Variants in FGF14 observed in about 807,000 individuals in gnomAD.
FGF14 encodes the protein fibroblast growth factor homologous factor 4.
A neutral mutation model predicts 25.5 loss-of-function variants in FGF14; 5 were observed. The ratio of observed to expected loss-of-function variants is 0.20; its 90% CI spans 0.10 to 0.41. The LOEUF is 0.41. FGF14 is among the 10% of genes least tolerant of loss of function. FGF14 has a pLI of 1.00. For synonymous variants in FGF14, 138 were observed against 118.3 expected, an observed-to-expected ratio of 1.17 and a Z score of -1.08; for missense variants, 222 against 320.1, an observed-to-expected ratio of 0.69 and a Z score of 2.34.
intron 1 of FGF14, among the ~76,000 whole-genome samples, chr13:101,955,882 G>T (rs2036482091): frequency 6.6e-6 from 1 of 152,186 alleles, no homozygotes; most frequent in Non-Finnish European, 1.5e-5. Context: ...TTTTTTAAAA[G>T]ATAAATCTCA....
intron 1 of FGF14, among the ~76,000 whole-genome samples, chr13:102,275,478 A>G (rs1311052096): frequency 6.6e-6 from 1 of 152,172 alleles, no homozygotes; most frequent in Non-Finnish European, 1.5e-5. Context: ...TACATCAAAC[A>G]TAACATTTGA....
intron 3 of FGF14, among the ~76,000 whole-genome samples, chr13:101,862,087 C>G (rs1480920169): frequency 2.0e-5 from 3 of 152,074 alleles, no homozygotes; most frequent in East Asian, 1.9e-4. Context: ...TGGTAGGAAA[C>G]TGGGCTGAGC....
chr13:102,221,629 C>CAT (rs1257403641), intron 1 of FGF14, among the ~76,000 whole-genome samples: 2 of 151,240 alleles, frequency 1.3e-5, no homozygotes, highest in Non-Finnish European at 2.9e-5. Flanking sequence ...CACAAACACA[C>CAT]ACACACACAC....
intron 1 of FGF14, among the ~76,000 whole-genome samples, chr13:102,397,435 T>C (rs544379372): frequency 1.3e-5 from 2 of 152,286 alleles, no homozygotes; most frequent in East Asian, 3.9e-4. Flanking sequence ...AGAGAATTGA[T>C]GGAATGTTCT....
chr13:102,304,099 T>C (rs1346620654), intron 1 of FGF14, among the ~76,000 whole-genome samples: 1 of 152,082 alleles, frequency 6.6e-6, no homozygotes, highest in Non-Finnish European at 1.5e-5. Context: ...CAAATCATCA[T>C]CATCATCATC....
intron 1 of FGF14, among the ~76,000 whole-genome samples, chr13:102,193,195 A>T (rs1437882576): frequency 6.6e-6 from 1 of 152,128 alleles, no homozygotes; most frequent in African/African-American, 2.4e-5. Context: ...TGAGACAAGC[A>T]TGCCAGCAGC....
intron 3 of FGF14, among the ~76,000 whole-genome samples, chr13:101,804,208 G>A (rs948757512): frequency 1.3e-5 from 2 of 152,102 alleles, no homozygotes; most frequent in Non-Finnish European, 2.9e-5. Flanking sequence ...TAGTGAGAAC[G>A]GTTTCAATAC....
intron 1 of FGF14, among the ~76,000 whole-genome samples, chr13:102,387,876 C>T (rs1182319899): frequency 6.6e-6 from 1 of 152,122 alleles, no homozygotes; most frequent in Non-Finnish European, 1.5e-5. Context: ...ACTACAGGCG[C>T]ATACTACCAC....
At chr13:102,048,960 A>G (rs112461502) in intron 1 of FGF14, among the ~76,000 whole-genome samples, 6,038 of 152,190 alleles carry the variant, frequency 0.04, 385 homozygotes, top group African/African-American at 0.14. Context: ...CAGTCTTTTG[A>G]TATTGCTGTA....
At chr13:102,186,904 C>G (rs2048899446) in intron 1 of FGF14, among the ~76,000 whole-genome samples, 1 of 152,140 alleles carries the variant, frequency 6.6e-6, no homozygotes, top group South Asian at 2.1e-4. Flanking sequence ...CATACAGGCT[C>G]ACACATAAGT....
intron 1 of FGF14, among the ~76,000 whole-genome samples, chr13:102,227,103 T>A (rs1347596898): frequency 1.3e-5 from 2 of 152,162 alleles, no homozygotes. Context: ...AGTTTAATAT[T>A]TAATGGATTC....
At chr13:101,850,924 G>T (rs1344385949) in intron 3 of FGF14, among the ~76,000 whole-genome samples, 1 of 151,778 alleles carries the variant, frequency 6.6e-6, no homozygotes, top group African/African-American at 2.4e-5. Context: ...TGCAGAAGGT[G>T]TTACATATCA....
In FGF14 at chr13:101,713,749, G is replaced by GT; in HGVS notation, c.*9081dup. On this transcript the variant is annotated 3_prime_UTR_variant, in exon 5 of 5. Transcript: ENST00000376143. The stretch of plus-strand genomic sequence containing the variant: ...GATATTTTAAATAACCAAAGAGGAA[G>GT]TTTTTTAGTTAGGTAGGAGAAATGG... 6.6e-6 allele frequency: 1 copy of GT among 152,218 alleles called. No individual in the cohort carries two copies. The highest frequency in any genetic ancestry group is 2.1e-4 in the South Asian group (1 of 4,826). 9.4% of individuals were successfully genotyped at this position (152,218 alleles called of 1,614,324 possible).
chr13:101,772,034 A>C (rs553225362), intron 3 of FGF14, among the ~76,000 whole-genome samples: 9 of 152,218 alleles, frequency 5.9e-5, no homozygotes, highest in African/African-American at 1.9e-4. Flanking sequence ...CATTCACAGG[A>C]AAGAAAAGGC....
Position 102,235,617 on chromosome 13 carries a change from A to G in FGF14, c.208+165854T>C, listed in dbSNP as rs1272683370. Among the ~76,000 whole-genome samples, 3 of 152,234 alleles carry G rather than the reference A, an allele frequency of 2.0e-5. No individual in the cohort carries two copies. In the South Asian group the frequency reaches 6.2e-4, roughly 31 times the overall value. ...GGTCAAAAAGGATCAGGATCAGGGA[A>G]GAAAATTTGTTTATTTTTTAATCCC... On this transcript the variant is annotated intron_variant, in intron 1 of 4. Transcript: ENST00000376131.
At chr13:101,756,979 CA>C (rs1422550071) in intron 3 of FGF14, among the ~76,000 whole-genome samples, 2 of 151,966 alleles carry the variant, frequency 1.3e-5, no homozygotes, top group African/African-American at 2.4e-5. Flanking sequence ...TTAAGTACTA[CA>C]AAAAAATATT....
At chr13:102,347,421 C>T (rs1385348889) in intron 1 of FGF14, among the ~76,000 whole-genome samples, 1 of 151,970 alleles carries the variant, frequency 6.6e-6, no homozygotes, top group East Asian at 1.9e-4. Context: ...CACAGAAGAC[C>T]CCCCTGAGAT....
At chr13:101,847,361 T>C (rs2043518096) in intron 3 of FGF14, among the ~76,000 whole-genome samples, 1 of 152,060 alleles carries the variant, frequency 6.6e-6, no homozygotes, top group Non-Finnish European at 1.5e-5. Context: ...GTCAACTCTG[T>C]CTGCCTCTCT....
chr13:102,309,818 T>C (rs1196963586), intron 1 of FGF14, among the ~76,000 whole-genome samples: 4 of 152,186 alleles, frequency 2.6e-5, no homozygotes, highest in Non-Finnish European at 5.9e-5. Flanking sequence ...TCTTCATATA[T>C]GATGGCAGGG....
Sources: allele counts gnomAD v4.1 joint callset (sites outside exome capture counted in the v4.1 genomes callset), GRCh38; gene constraint gnomAD v4.1.1; transcripts MANE v1.5; gene names NCBI Gene and HGNC (gene_info 2026-07-23, HGNC 2026-07-21).